Variants in CLASP1 observed in about 807,000 individuals in gnomAD.
CLASP1 encodes the protein cytoplasmic linker associated protein 1, also known as CLIP-associating protein 1.
A neutral mutation model predicts 192.3 loss-of-function variants in CLASP1; 38 were observed. The observed-to-expected ratio is 0.20, with a 90% confidence interval of 0.15 to 0.26. The LOEUF (loss-of-function observed/expected upper bound fraction) is 0.26, where lower values mean the gene tolerates loss of function less well. Ranked by LOEUF, CLASP1 falls within the 10% of genes least tolerant of loss-of-function variation. The pLI is 1.00. For synonymous variants in CLASP1, 691 were observed against 712.8 expected, an observed-to-expected ratio of 0.97 and a Z score of 0.49; for missense variants, 1,433 against 1,932.5, an observed-to-expected ratio of 0.74 and a Z score of 4.85.
intron 6 of CLASP1, among the ~76,000 whole-genome samples, chr2:121,522,427 G>A (rs905902757): frequency 2.0e-5 from 3 of 152,158 alleles, no homozygotes; most frequent in Middle Eastern, 3.2e-3. Flanking sequence ...GGGCTTCCTG[G>A]CACAAAAAGT....
intron 37 of CLASP1, among the ~76,000 whole-genome samples, chr2:121,351,559 C>T (rs2064415865): frequency 6.6e-6 from 1 of 152,190 alleles, no homozygotes; most frequent in Admixed American, 6.5e-5. Flanking sequence ...TGTTGGAGGT[C>T]TTTTGTACTT....
chr2:121,467,270 A>T (rs2089786726), intron 9 of CLASP1, among the ~76,000 whole-genome samples: 1 of 152,228 alleles, frequency 6.6e-6, no homozygotes, highest in Admixed American at 6.5e-5. Flanking sequence ...GGATGAACAT[A>T]TGCATACATG....
At chr2:121,528,732 C>T in exon 4 of CLASP1, 10 of 1,614,010 alleles carry the variant, frequency 6.2e-6, no homozygotes, top group Non-Finnish European at 8.5e-6. Context: ...GTCCTGCTCC[C>T]TCACAGAGTC....
intron 12 of CLASP1, 135 bp downstream of exon 12, chr2:121,459,845 G>A: frequency 3.0e-6 from 2 of 677,330 alleles, no homozygotes; most frequent in Non-Finnish European, 4.5e-6. Flanking sequence ...TGAAAGAAGT[G>A]TTAACTGGAA....
intron 22 of CLASP1, among the ~76,000 whole-genome samples, chr2:121,422,454 G>A (rs779571957): frequency 6.6e-6 from 1 of 152,180 alleles, no homozygotes; most frequent in Non-Finnish European, 1.5e-5. Context: ...CCATAGAGGA[G>A]TGGGAGAAGG....
intron 1 of CLASP1, among the ~76,000 whole-genome samples, chr2:121,607,020 T>G (rs932190861): frequency 6.6e-6 from 1 of 151,726 alleles, no homozygotes; most frequent in Non-Finnish European, 1.5e-5. Flanking sequence ...TGCGCCACTG[T>G]ACTCCAGCCT....
At chr2:121,458,208 G>A (rs929062531) in intron 13 of CLASP1, among the ~76,000 whole-genome samples, 1 of 152,200 alleles carries the variant, frequency 6.6e-6, no homozygotes, top group Non-Finnish European at 1.5e-5. Context: ...ATTCTGGATA[G>A]ATTTTAGACA....
At chr2:121,594,311 A>T (rs188490018) in intron 2 of CLASP1, among the ~76,000 whole-genome samples, 3 of 151,612 alleles carry the variant, frequency 2.0e-5, no homozygotes, top group South Asian at 2.1e-4. Context: ...AAAAAAAAAA[A>T]ATTTTCTTGT....
intron 2 of CLASP1, among the ~76,000 whole-genome samples, chr2:121,591,127 A>G (rs1314195242): frequency 1.3e-5 from 2 of 152,074 alleles, no homozygotes; most frequent in African/African-American, 4.8e-5. Context: ...CGGCCTCCCA[A>G]ACTGCTGGGA....
At chr2:121,376,688 A>G (rs979381015) in intron 34 of CLASP1, among the ~76,000 whole-genome samples, 18 of 152,236 alleles carry the variant, frequency 1.2e-4, no homozygotes, top group African/African-American at 4.3e-4. Context: ...ACAGCAGGTG[A>G]GCAGTGGGCA....
intron 8 of CLASP1, among the ~76,000 whole-genome samples, chr2:121,475,546 C>G (rs2091490694): frequency 6.6e-6 from 1 of 152,210 alleles, no homozygotes; most frequent in Non-Finnish European, 1.5e-5. Context: ...CAGTATTTCT[C>G]AGCTAAATTA....
At chr2:121,529,019 C>G (rs1407369103) in intron 3 of CLASP1, among the ~76,000 whole-genome samples, 2 of 152,184 alleles carry the variant, frequency 1.3e-5, no homozygotes, top group Non-Finnish European at 2.9e-5. Context: ...CCTCCTTACC[C>G]CACGTTCCTC....
intron 7 of CLASP1, among the ~76,000 whole-genome samples, chr2:121,512,566 A>G (rs2094169841): frequency 6.6e-6 from 1 of 152,216 alleles, no homozygotes; most frequent in South Asian, 2.1e-4. Context: ...TAACATGAAG[A>G]TTTTGTTAAC....
intron 12 of CLASP1, among the ~76,000 whole-genome samples, chr2:121,459,410 TTTTTC>T (rs1382166209): frequency 2.6e-5 from 4 of 152,142 alleles, no homozygotes; most frequent in Admixed American, 6.5e-5. Flanking sequence ...TCCTTTTTCT[TTTTTC>T]TTTTATCTTA....
chr2:121,453,886 C>T (rs1342570892), intron 14 of CLASP1, among the ~76,000 whole-genome samples: 13 of 152,222 alleles, frequency 8.5e-5, no homozygotes, highest in Admixed American at 8.5e-4. Flanking sequence ...GCTTACACTG[C>T]TCTCTTAAGC....
intron 7 of CLASP1, among the ~76,000 whole-genome samples, chr2:121,510,316 A>AG (rs2094088436): frequency 1.3e-5 from 2 of 152,262 alleles, no homozygotes; most frequent in Non-Finnish European, 2.9e-5. Flanking sequence ...TGACCAGAAG[A>AG]GCAAAGGCTC....
intron 30 of CLASP1, among the ~76,000 whole-genome samples, chr2:121,392,888 G>A (rs573424575): frequency 6.6e-6 from 1 of 152,186 alleles, no homozygotes; most frequent in Admixed American, 6.5e-5. Flanking sequence ...TTTTCACCTT[G>A]CCCAAACCAG....
Position 121,365,335 on chromosome 2 carries a change from A to G in CLASP1, c.3887-51T>C, listed in dbSNP as rs997995635. 2.6e-6 allele frequency: 4 copies of G among 1,523,558 alleles called. No homozygotes were observed. In the Admixed American group the frequency reaches 7.2e-5, roughly 28 times the overall value. The allele number at this position is 1,523,558 out of a possible 1,614,324, so 94.4% of individuals were successfully genotyped here. On this transcript the variant is annotated intron_variant, in intron 35 of 39. Coordinates refer to ENST00000263710, the Ensembl canonical transcript of CLASP1. ...CACCTCGTGAGGAAATGCCCAGCAC[A>G]GGGGCTTGCTCAGTGGTGCGCAGTG...
chr2:121,590,771 A>G (rs569725356), intron 2 of CLASP1, among the ~76,000 whole-genome samples: 1 of 152,344 alleles, frequency 6.6e-6, no homozygotes, highest in South Asian at 2.1e-4. Context: ...TATAAATCAC[A>G]AAGAACATAA....
Sources: allele counts gnomAD v4.1 joint callset (sites outside exome capture counted in the v4.1 genomes callset), GRCh38; gene constraint gnomAD v4.1.1; transcripts MANE v1.5; gene names NCBI Gene and HGNC (gene_info 2026-07-23, HGNC 2026-07-21).